SNX3: variants seen among roughly 807,000 people sequenced by gnomAD.
SNX3 encodes sorting nexin-3.
In SNX3, 5 loss-of-function variants were observed where a neutral mutation model predicts 17.7. The observed-to-expected ratio is 0.28, with a 90% CI of 0.15 to 0.59. The LOEUF (loss-of-function observed/expected upper bound fraction) is 0.59, where lower values mean the gene tolerates loss of function less well. SNX3 is among the 20% of genes least tolerant of loss of function. SNX3 has a pLI of 0.88. For synonymous variants in SNX3, 91 were observed against 76.5 expected (o/e 1.19, Z -0.99); for missense variants, 132 against 206.8 (o/e 0.64, Z 2.22).
chr6:108,256,158 G>C (rs1299731645), intron 1 of SNX3, among the ~76,000 whole-genome samples: 1 of 152,166 alleles, frequency 6.6e-6, no homozygotes, highest in African/African-American at 2.4e-5. Flanking sequence ...TTGAGCCTGG[G>C]AGGTCAAGGC....
At chr6:108,228,314 C>T (rs1371320003) in intron 1 of SNX3, among the ~76,000 whole-genome samples, 1 of 151,860 alleles carries the variant, frequency 6.6e-6, no homozygotes, top group Non-Finnish European at 1.5e-5. Flanking sequence ...TTTGGGAGGC[C>T]AAGGCGGGTG....
chr6:108,220,058 T>C (rs753506318), intron 2 of SNX3, among the ~76,000 whole-genome samples: 1 of 152,180 alleles, frequency 6.6e-6, no homozygotes, highest in East Asian at 1.9e-4. Context: ...ATAAAGAACA[T>C]ATTTTTGTAC....
At chr6:108,230,438 G>A (rs1465875640) in intron 1 of SNX3, among the ~76,000 whole-genome samples, 5 of 152,224 alleles carry the variant, frequency 3.3e-5, no homozygotes, top group East Asian at 1.9e-4. Flanking sequence ...TATGTTATTT[G>A]TGGGAAATAA....
intron 1 of SNX3, among the ~76,000 whole-genome samples, chr6:108,233,210 A>C (rs1775224983): frequency 6.6e-6 from 1 of 152,240 alleles, no homozygotes; most frequent in African/African-American, 2.4e-5. Context: ...GAGAGCTCAC[A>C]CAAGGTTTTC....
intron 1 of SNX3, among the ~76,000 whole-genome samples, chr6:108,227,815 GTTT>G (rs76937863): frequency 1.2e-4 from 18 of 145,400 alleles, no homozygotes; most frequent in African/African-American, 4.5e-4. Context: ...CAAAATGTGG[GTTT>G]TTTTTTTTTG....
rs1325394635 is a variant in SNX3, at chr6:108,260,917, G to T, written c.5C>A (p.Ala2Glu). Residue 2 changes from alanine to glutamate, a missense_variant, in exon 1 of 4, where the codon GCG becomes GAG. By Grantham distance (107) the Ala-to-Glu change is moderately radical. Coordinates refer to ENST00000230085, the MANE Select transcript of SNX3 (RefSeq NM_003795.6). M[A>E]ETVADTRRLI... ...CCGCCGGGTGTCAGCCACGGTCTCC[G>T]CCATTTCGCTGTAGCTGCTGCCGCC... 1 of 1,588,204 alleles carries T rather than the reference G, an allele frequency of 6.3e-7. No individual in the cohort carries two copies. The highest frequency in any genetic ancestry group is 8.6e-7 in the Non-Finnish European group (1 of 1,167,428).
At chr6:108,256,066 C>A (rs1198673337) in intron 1 of SNX3, among the ~76,000 whole-genome samples, 1 of 152,038 alleles carries the variant, frequency 6.6e-6, no homozygotes, top group African/African-American at 2.4e-5. Context: ...CTCGTCTCTA[C>A]AAATAATTTA....
intron 1 of SNX3, among the ~76,000 whole-genome samples, chr6:108,243,330 C>T (rs780877238): frequency 6.6e-5 from 10 of 152,128 alleles, no homozygotes; most frequent in Non-Finnish European, 1.3e-4. Context: ...AAAACTAATA[C>T]ATCTAACAAG....
intron 1 of SNX3, among the ~76,000 whole-genome samples, chr6:108,253,183 G>A (rs1465866179): frequency 1.3e-5 from 2 of 152,142 alleles, no homozygotes; most frequent in Non-Finnish European, 2.9e-5. Flanking sequence ...ATAGCTCAAA[G>A]CACTTTTTTA....
chr6:108,257,891 A>G (rs847597), intron 1 of SNX3, among the ~76,000 whole-genome samples: 40,814 of 151,616 alleles, frequency 0.27, 7,857 homozygotes, highest in African/African-American at 0.53. Flanking sequence ...TTGAACTCGG[A>G]AGGCAGAGGT....
intron 1 of SNX3, among the ~76,000 whole-genome samples, chr6:108,238,117 AAAAC>A (rs1554262373): frequency 1.3e-5 from 2 of 151,212 alleles, no homozygotes; most frequent in South Asian, 2.1e-4. Context: ...AAAAAAAAAA[AAAAC>A]AAACAAAAAA....
intron 1 of SNX3, among the ~76,000 whole-genome samples, chr6:108,249,815 C>T (rs1775795511): frequency 6.6e-6 from 1 of 152,266 alleles, no homozygotes; most frequent in African/African-American, 2.4e-5. Flanking sequence ...GCATTAAGAT[C>T]TTATTATTTG....
rs1021781550 is a variant in SNX3, at chr6:108,244,647, GTTTTTTT to G, written c.162+16106_162+16112del. On this transcript the variant is annotated intron_variant, in intron 1 of 3. Transcript: ENST00000230085. ...TAGTCTATAAGAATATAAGTAAGGA[GTTTTTTT>G]TTTTTTTTTTTTTTTTTGCTCTGTT... 2.7e-3 allele frequency among the ~76,000 whole-genome samples: 237 copies of G among 87,244 alleles called. 2 individuals carry two copies. The highest frequency in any genetic ancestry group is 0.01 in the African/African-American group (216 of 20,808). 57.2% of individuals were successfully genotyped at this position (87,244 alleles called of 152,430 possible). A position where few individuals can be genotyped will look rare whatever the true frequency, so the allele number is the denominator to read the frequency against.
At chr6:108,245,724 T>G (rs1775668138) in intron 1 of SNX3, among the ~76,000 whole-genome samples, 1 of 152,186 alleles carries the variant, frequency 6.6e-6, no homozygotes, top group African/African-American at 2.4e-5. Flanking sequence ...TTTTTTAAAA[T>G]TGTTTGTTGG....
At chr6:108,244,252 C>T (rs1248200104) in intron 1 of SNX3, among the ~76,000 whole-genome samples, 1 of 152,088 alleles carries the variant, frequency 6.6e-6, no homozygotes, top group Non-Finnish European at 1.5e-5. Context: ...ACCTCCTGGG[C>T]TCAAACAATC....
At chr6:108,222,875 T>C (rs1030522337) in intron 2 of SNX3, 75 bp downstream of exon 2, 2 of 870,664 alleles carry the variant, frequency 2.3e-6, no homozygotes, top group East Asian at 2.5e-5. Context: ...TTATTCAATA[T>C]CATTTTCCTG....
intron 1 of SNX3, among the ~76,000 whole-genome samples, chr6:108,259,713 T>G (rs554999098): frequency 6.6e-6 from 1 of 152,372 alleles, no homozygotes; most frequent in Non-Finnish European, 1.5e-5. Flanking sequence ...TATGTACACT[T>G]AAAAATGGTT....
At position 108,244,586 on chromosome 6, in the gene SNX3, C is replaced by G. The variant is rs1775624166; in HGVS notation, c.162+16174G>C. ...CCATATTGTTATGCAAACATCACCACCATCAATCTCTGGAATAACCACATT... is the reference window on the plus strand; with the variant it reads ...CCATATTGTTATGCAAACATCACCAGCATCAATCTCTGGAATAACCACATT... On this transcript the variant is annotated intron_variant, in intron 1 of 3. Coordinates refer to ENST00000230085, the MANE Select transcript of SNX3 (RefSeq NM_003795.6). Among the ~76,000 whole-genome samples the G allele has an allele frequency of 1.3e-5, 2 of 151,516 alleles. 1 individual carries two copies. Among genetic ancestry groups the G allele is most frequent in the South Asian group, 4.2e-4 (2 of 4,806 alleles).
At chr6:108,246,510 A>G (rs1389587803) in intron 1 of SNX3, among the ~76,000 whole-genome samples, 2 of 143,528 alleles carry the variant, frequency 1.4e-5, no homozygotes, top group South Asian at 4.4e-4. Context: ...TTGTATTTTT[A>G]GTAGACATGG....
Sources: gnomAD v4.1 joint callset for allele counts (sites outside exome capture counted in the v4.1 genomes callset) on GRCh38, gnomAD v4.1.1 for gene constraint, MANE v1.5 for transcripts, NCBI Gene and HGNC (gene_info 2026-07-23, HGNC 2026-07-21) for gene names.